RNGTT: variants seen among roughly 807,000 people sequenced by gnomAD.
RNGTT encodes the protein mRNA-capping enzyme.
In RNGTT, 33 loss-of-function variants were observed where a neutral mutation model predicts 79.3. That is an observed-to-expected ratio of 0.42 (90% CI 0.32 to 0.56). The LOEUF (loss-of-function observed/expected upper bound fraction) is 0.56. RNGTT is among the 20% of genes least tolerant of loss of function. The probability of loss-of-function intolerance (pLI) is 0.17; values close to 1 mark genes in which losing one functional copy is unlikely to be tolerated. For synonymous variants in RNGTT, 222 were observed against 235.9 expected, an observed-to-expected ratio of 0.94 and a Z score of 0.54; for missense variants, 497 against 739.1, an observed-to-expected ratio of 0.67 and a Z score of 3.80.
intron 8 of RNGTT, among the ~76,000 whole-genome samples, chr6:88,873,812 C>G (rs1331738335): frequency 7.9e-5 from 12 of 152,030 alleles, no homozygotes; most frequent in Non-Finnish European, 1.5e-5. Context: ...TACTAAAATG[C>G]TTATCAAGTC....
In RNGTT at chr6:88,714,571, T is replaced by A. The variant is rs1000065406; in HGVS notation, c.1440-36152A>T. 1.7e-5 allele frequency: 2 copies of A among 118,688 alleles called. 1 individual carries two copies. Among genetic ancestry groups the A allele is most frequent in the African/African-American group, 1.1e-4 (2 of 18,014 alleles). 7.4% of individuals were successfully genotyped at this position (118,688 alleles called of 1,614,324 possible). A position where few individuals can be genotyped will look rare whatever the true frequency, so the allele number is the denominator to read the frequency against. ...CATTCTCCTGCCTCAGCCTCCCAAG[T>A]AGCTGGGACTACAGGCGCCCGCCAC... On this transcript the variant is annotated intron_variant, in intron 13 of 15. Transcript: ENST00000369485.
rs1200182357 is a variant in RNGTT at position 88,950,169 on chromosome 6, C to A, written c.65-8989G>T. 2.0e-5 allele frequency among the ~76,000 whole-genome samples: 3 copies of A among 152,118 alleles called. No individual in the cohort carries two copies. In the East Asian group the frequency reaches 5.8e-4, roughly 29 times the overall value. On this transcript the variant is annotated intron_variant, in intron 1 of 15. Coordinates refer to ENST00000369485, the MANE Select transcript of RNGTT (RefSeq NM_003800.5). ...GAATGTTTTACTGAATTTTTTGAAC[C>A]CCACTGTTGAGACTTACTGCTCAGA...
intron 14 of RNGTT, among the ~76,000 whole-genome samples, chr6:88,627,096 A>G (rs1290134672): frequency 2.6e-5 from 4 of 152,090 alleles, no homozygotes; most frequent in Non-Finnish European, 5.9e-5. Context: ...TTTTTTCTTT[A>G]TAGTTATACA....
intron 2 of RNGTT, among the ~76,000 whole-genome samples, chr6:88,934,295 C>T (rs1163127227): frequency 1.3e-5 from 2 of 152,106 alleles, no homozygotes; most frequent in Non-Finnish European, 2.9e-5. Flanking sequence ...CTCAGCTTCC[C>T]AAAGTGCTAG....
chr6:88,831,004 A>G (rs1408028392), intron 11 of RNGTT, among the ~76,000 whole-genome samples: 2 of 152,148 alleles, frequency 1.3e-5, no homozygotes, highest in Non-Finnish European at 2.9e-5. Context: ...AATTCTACCA[A>G]AGGTACAAAG....
chr6:88,904,596 G>C (rs1562312460), intron 6 of RNGTT, 119 bp downstream of exon 6: 2 of 1,240,530 alleles, frequency 1.6e-6, no homozygotes, highest in Non-Finnish European at 2.2e-6. Flanking sequence ...GAAAGGGCTA[G>C]GATGAATCAT....
At chr6:88,665,029 C>T (rs1010126629) in intron 14 of RNGTT, among the ~76,000 whole-genome samples, 1 of 152,166 alleles carries the variant, frequency 6.6e-6, no homozygotes, top group African/African-American at 2.4e-5. Context: ...TCCCTGACTG[C>T]CCCTTGCCTT....
intron 14 of RNGTT, among the ~76,000 whole-genome samples, chr6:88,650,835 T>C (rs1404005867): frequency 1.3e-5 from 2 of 152,196 alleles, no homozygotes; most frequent in Non-Finnish European, 2.9e-5. Context: ...CAAGTAGGGC[T>C]GACCCTTCTA....
chr6:88,615,418 T>C lies in RNGTT; in HGVS notation c.1507-1023A>G, dbSNP rs1772180694. Among the ~76,000 whole-genome samples the C allele has an allele frequency of 2.0e-5, 3 of 152,212 alleles. No homozygotes were observed. In the South Asian group the frequency reaches 6.2e-4, roughly 32 times the overall value. ...AACTTTCAAACTATATTCCTTTCCC[T>C]TTACATTTGATTGTACCATCTGCAT... On this transcript the variant is annotated intron_variant, in intron 14 of 15. Transcript: ENST00000369485.
chr6:88,710,949 A>G (rs1012597149), intron 13 of RNGTT, among the ~76,000 whole-genome samples: 2 of 152,158 alleles, frequency 1.3e-5, no homozygotes, highest in Non-Finnish European at 2.9e-5. Context: ...GTGGAACTGG[A>G]AATCCTTTCC....
chr6:88,662,729 T>C (rs953611075), intron 14 of RNGTT, among the ~76,000 whole-genome samples: 1 of 152,200 alleles, frequency 6.6e-6, no homozygotes, highest in Non-Finnish European at 1.5e-5. Context: ...CTGGGAGCAC[T>C]CTCGCGTAGG....
At chr6:88,656,567 T>C (rs1326232471) in intron 14 of RNGTT, among the ~76,000 whole-genome samples, 1 of 152,140 alleles carries the variant, frequency 6.6e-6, no homozygotes, top group East Asian at 1.9e-4. Context: ...GGTCCTTGAA[T>C]GCACTCCAGT....
At chr6:88,715,026 T>C (rs1037617881) in intron 13 of RNGTT, among the ~76,000 whole-genome samples, 3 of 152,164 alleles carry the variant, frequency 2.0e-5, no homozygotes, top group Non-Finnish European at 2.9e-5. Flanking sequence ...AGTCAAATTG[T>C]CCCTGTTTGC....
At chr6:88,943,765 T>C (rs1157567471) in intron 1 of RNGTT, among the ~76,000 whole-genome samples, 1 of 152,160 alleles carries the variant, frequency 6.6e-6, no homozygotes, top group Non-Finnish European at 1.5e-5. Flanking sequence ...AGGGTTCCCT[T>C]TCCTTCTTAT....
chr6:88,886,237 C>T (rs9344885), intron 8 of RNGTT, among the ~76,000 whole-genome samples: 6,228 of 152,122 alleles, frequency 0.041, 186 homozygotes, highest in African/African-American at 0.076. Context: ...ACCCAGCGGG[C>T]GGAGCCTGCA....
At chr6:88,659,536 GAAGA>G (rs1774103689) in intron 14 of RNGTT, among the ~76,000 whole-genome samples, 1 of 151,462 alleles carries the variant, frequency 6.6e-6, no homozygotes. Context: ...AGAACAAGTA[GAAGA>G]AAGAATTTCA....
intron 13 of RNGTT, among the ~76,000 whole-genome samples, chr6:88,727,433 T>C (rs1245075103): frequency 6.6e-6 from 1 of 152,224 alleles, no homozygotes; most frequent in Non-Finnish European, 1.5e-5. Flanking sequence ...ATCCAGTTTT[T>C]CTGTGAACTG....
rs532957112 is a variant in RNGTT at position 88,784,473 on chromosome 6, T to C, written c.1339-14599A>G. 5.9e-5 allele frequency among the ~76,000 whole-genome samples: 9 copies of C among 152,214 alleles called. No homozygotes were observed. In the South Asian group the frequency reaches 8.3e-4, roughly 14 times the overall value. On this transcript the variant is annotated intron_variant, in intron 12 of 15. Coordinates refer to ENST00000369485, the MANE Select transcript of RNGTT (RefSeq NM_003800.5). ...CAAGGAAGCACATCTAACTTGATAG[T>C]TGAAGGATAAATGGGAGTAATATAG...
chr6:88,692,366 C>A (rs1355098249), intron 13 of RNGTT, among the ~76,000 whole-genome samples: 1 of 151,600 alleles, frequency 6.6e-6, no homozygotes, highest in East Asian at 1.9e-4. Flanking sequence ...TTCATAATAG[C>A]CAAAAATTAG....
Sources: allele counts gnomAD v4.1 joint callset (sites outside exome capture counted in the v4.1 genomes callset), GRCh38; gene constraint gnomAD v4.1.1; transcripts MANE v1.5; gene names NCBI Gene and HGNC (gene_info 2026-07-23, HGNC 2026-07-21).